Variants in PYHIN1 observed in about 807,000 individuals in gnomAD.
The protein encoded by PYHIN1 is pyrin and HIN domain family member 1, also known as pyrin and HIN domain-containing protein 1.
In PYHIN1, 32 loss-of-function variants were observed where a neutral mutation model predicts 43.7. The observed-to-expected ratio is 0.73, with a 90% CI of 0.55 to 0.98. The LOEUF (loss-of-function observed/expected upper bound fraction) is 0.98, where lower values mean the gene tolerates loss of function less well. Ranked by LOEUF, PYHIN1 falls within the 50% of genes least tolerant of loss-of-function variation. PYHIN1 has a pLI of 0.00. For missense variants in PYHIN1, 588 were observed against 589.5 expected, an observed-to-expected ratio of 1.00 and a Z score of 0.03; for synonymous variants, 205 against 203.1, an observed-to-expected ratio of 1.01 and a Z score of -0.08.
the PYHIN1 span, among the ~76,000 whole-genome samples, chr1:158,985,456 T>C: frequency 6.6e-6 from 1 of 152,232 alleles, no homozygotes; most frequent in Non-Finnish European, 1.5e-5. Context: ...ATTTCTTTTG[T>C]TTAAGAATGC....
chr1:158,986,622 G>C, the PYHIN1 span, among the ~76,000 whole-genome samples: 2 of 152,002 alleles, frequency 1.3e-5, no homozygotes, highest in South Asian at 4.1e-4. Context: ...AACTCTGAGA[G>C]AGGCCAGCAG....
At chr1:158,982,098 T>C in the PYHIN1 span, among the ~76,000 whole-genome samples, 3 of 152,174 alleles carry the variant, frequency 2.0e-5, no homozygotes, top group Non-Finnish European at 2.9e-5. Context: ...TATCTTTTTA[T>C]TCTGTTGATA....
In PYHIN1 at chr1:158,937,693, T is replaced by C. The variant is rs1009266078; in HGVS notation, c.265+518T>C. On this transcript the variant is annotated intron_variant, in intron 2 of 8. Transcript: ENST00000368140. ...CTGGCGCTGTTGCTCACGTCTGTAA[T>C]CCCAGCACTTTGGGAGGCTGAGGTG... is the stretch of plus-strand genomic sequence containing the variant. Among the ~76,000 whole-genome samples the C allele has an allele frequency of 3.3e-5, 5 of 152,148 alleles. No homozygotes were observed. In the East Asian group the frequency reaches 9.6e-4, roughly 29 times the overall value.
chr1:158,973,473 T>A (rs1472571647), intron 7 of PYHIN1, among the ~76,000 whole-genome samples, 174 bp from the exon 8 acceptor site: 1 of 149,924 alleles, frequency 6.7e-6, no homozygotes, highest in African/African-American at 2.5e-5. Context: ...CCAGAGAGAT[T>A]AGCAGAGGGA....
At chr1:158,977,264 T>C (rs116340431), downstream of PYHIN1, among the ~76,000 whole-genome samples, 796 of 152,142 alleles carry the variant, frequency 5.2e-3, 5 homozygotes, top group African/African-American at 0.018. Context: ...TGTGATTCTG[T>C]TGCAAGCACT....
chr1:158,952,879 G>A (rs961969786), intron 7 of PYHIN1, among the ~76,000 whole-genome samples: 8 of 152,298 alleles, frequency 5.3e-5, no homozygotes, highest in Middle Eastern at 3.4e-3. Context: ...GACAGTGGGC[G>A]CAGGTCAGTG....
chr1:158,978,108 AAATG>A (rs1171320486), downstream of PYHIN1, among the ~76,000 whole-genome samples: 7 of 152,146 alleles, frequency 4.6e-5, no homozygotes, highest in Admixed American at 2.0e-4. Context: ...TCCAAGGAAT[AAATG>A]TAGTTTTTTT....
intron 7 of PYHIN1, among the ~76,000 whole-genome samples, chr1:158,960,894 A>G (rs1055092527): frequency 1.3e-5 from 2 of 152,212 alleles, no homozygotes; most frequent in Non-Finnish European, 2.9e-5. Flanking sequence ...AGAAGATAGT[A>G]ACTCAAGATG....
chr1:158,950,539 C>T (rs1436161963), intron 7 of PYHIN1, among the ~76,000 whole-genome samples: 2 of 152,172 alleles, frequency 1.3e-5, no homozygotes, highest in East Asian at 1.9e-4. Context: ...CTCTTCCCCA[C>T]GTTAATAATT....
At position 158,950,467 on chromosome 1, in the gene PYHIN1, T is replaced by C. The variant is rs576137835; in HGVS notation, c.1359+5425T>C. On this transcript the variant is annotated intron_variant, in intron 7 of 8. Transcript: ENST00000368140. ...GTTGGGTCCTAGCCACGCTGTGATA[T>C]GGTTTGATGTGTCATGCTGGAATCC... Among the ~76,000 whole-genome samples the C allele has an allele frequency of 2.0e-5, 3 of 152,258 alleles. No homozygotes were observed. The South Asian group carries it at 6.2e-4, about 32-fold the overall frequency.
downstream of PYHIN1, among the ~76,000 whole-genome samples, chr1:158,981,313 T>C (rs1374137953): frequency 6.6e-6 from 1 of 152,098 alleles, no homozygotes; most frequent in Non-Finnish European, 1.5e-5. Context: ...CTACTAAAAA[T>C]ACAAAAACTT....
At chr1:158,980,629 G>C (rs1651452675), downstream of PYHIN1, among the ~76,000 whole-genome samples, 1 of 152,100 alleles carries the variant, frequency 6.6e-6, no homozygotes, top group Non-Finnish European at 1.5e-5. Context: ...AGGCTTACTA[G>C]GGTTGGGGAA....
chr1:158,959,073 C>G (rs1650164551), intron 7 of PYHIN1, among the ~76,000 whole-genome samples: 1 of 151,770 alleles, frequency 6.6e-6, no homozygotes, highest in Admixed American at 6.6e-5. Flanking sequence ...GACTCACTGA[C>G]CGTGCAGTTT....
At chr1:158,965,689 A>T (rs528307160) in intron 7 of PYHIN1, among the ~76,000 whole-genome samples, 1 of 152,316 alleles carries the variant, frequency 6.6e-6, no homozygotes, top group African/African-American at 2.4e-5. Context: ...TTTGAAACTA[A>T]TGAGAACAAA....
At chr1:158,951,470 T>A (rs1649526379) in intron 7 of PYHIN1, among the ~76,000 whole-genome samples, 1 of 152,172 alleles carries the variant, frequency 6.6e-6, no homozygotes, top group Non-Finnish European at 1.5e-5. Flanking sequence ...ATTGATGGGC[T>A]GAGTGGAAAA....
At chr1:158,958,072 G>A (rs529257608) in intron 7 of PYHIN1, among the ~76,000 whole-genome samples, 3 of 152,164 alleles carry the variant, frequency 2.0e-5, no homozygotes, top group Non-Finnish European at 2.9e-5. Flanking sequence ...TCTCACACCA[G>A]TTAGAATGGC....
the PYHIN1 span, among the ~76,000 whole-genome samples, chr1:158,985,054 T>G: frequency 6.6e-6 from 1 of 152,170 alleles, no homozygotes. Context: ...TGTCTTTACA[T>G]GTAAGGTGGG....
At chr1:158,962,780 G>T (rs889186441) in intron 7 of PYHIN1, among the ~76,000 whole-genome samples, 2 of 152,102 alleles carry the variant, frequency 1.3e-5, no homozygotes, top group African/African-American at 4.8e-5. Flanking sequence ...AGGGCTCCTG[G>T]CTTTGAACTG....
chr1:158,937,833 C>G (rs555539880), intron 2 of PYHIN1, among the ~76,000 whole-genome samples: 78 of 152,022 alleles, frequency 5.1e-4, no homozygotes, highest in Middle Eastern at 6.8e-3. Flanking sequence ...GTAGTCCCAG[C>G]TACTCGGAGG....
Sources: gnomAD v4.1 joint callset for allele counts (sites outside exome capture counted in the v4.1 genomes callset) on GRCh38, gnomAD v4.1.1 for gene constraint, MANE v1.5 for transcripts, NCBI Gene and HGNC (gene_info 2026-07-23, HGNC 2026-07-21) for gene names.